SIM2: variants seen among roughly 807,000 people sequenced by gnomAD.
SIM2 encodes single-minded homolog 2.
SIM2 carries 28 observed loss-of-function variants against 64.8 expected under a neutral mutation model. That is an observed-to-expected ratio of 0.43 (90% CI 0.32 to 0.59). SIM2 has a LOEUF of 0.59. Among genes scored for constraint, SIM2 ranks in the 20% least tolerant of loss-of-function variants. The pLI is 0.07. For synonymous variants in SIM2, 408 were observed against 391.1 expected (o/e 1.04, Z -0.51); for missense variants, 847 against 871.4 (o/e 0.97, Z 0.35).
intron 6 of SIM2, among the ~76,000 whole-genome samples, chr21:36,727,513 A>G (rs925709390): frequency 1.3e-5 from 2 of 152,186 alleles, no homozygotes; most frequent in African/African-American, 4.8e-5. Flanking sequence ...CTTATTTGTA[A>G]AACAGCAGCG....
intron 3 of SIM2, among the ~76,000 whole-genome samples, chr21:36,717,363 C>T (rs182335124): frequency 7.8e-4 from 119 of 152,180 alleles, no homozygotes; most frequent in African/African-American, 2.8e-3. Flanking sequence ...GCCAATATAA[C>T]ATTTCTCTAT....
At chr21:36,741,574 A>ACATG in intron 7 of SIM2, 143 bp from the exon 8 acceptor site, 1 of 870,634 alleles carries the variant, frequency 1.1e-6, no homozygotes, top group South Asian at 1.6e-5. Flanking sequence ...ACGCACACAG[A>ACATG]CATGCACCCT....
Position 36,745,330 on chromosome 21 carries a change from A to G in SIM2, c.1576+194A>G. On this transcript the variant is annotated intron_variant, in intron 10 of 10. Coordinates refer to ENST00000290399, the MANE Select transcript of SIM2 (RefSeq NM_005069.6). This position sits in a 1 kb window ranked among gnomAD's most constrained non-coding sequence, Gnocchi z 4.8. ...GTGCTCCTCGAGAGTGAGAAATGGCAGTCTGCCTGCCTCGGGGACACTAGT... is the reference window on the plus strand; with the variant it reads ...GTGCTCCTCGAGAGTGAGAAATGGCGGTCTGCCTGCCTCGGGGACACTAGT... 1 of 1,442,334 alleles carries G rather than the reference A, an allele frequency of 6.9e-7. No homozygotes were observed. Among genetic ancestry groups the G allele is most frequent in the Non-Finnish European group, 9.1e-7 (1 of 1,093,260 alleles). 89.3% of individuals were successfully genotyped at this position (1,442,334 alleles called of 1,614,324 possible). A position where few individuals can be genotyped will look rare whatever the true frequency, so the allele number is the denominator to read the frequency against.
At chr21:36,729,747 G>T (rs1376673020) in intron 6 of SIM2, among the ~76,000 whole-genome samples, 1 of 152,034 alleles carries the variant, frequency 6.6e-6, no homozygotes, top group Non-Finnish European at 1.5e-5. Context: ...CCAAGATGGT[G>T]AGGACCACCT....
intron 9 of SIM2, among the ~76,000 whole-genome samples, chr21:36,744,514 T>C (rs1315519100): frequency 1.3e-5 from 2 of 152,118 alleles, no homozygotes; most frequent in Non-Finnish European, 2.9e-5. Flanking sequence ...GATGTCTTGT[T>C]AGCTTGGGGT....
intron 4 of SIM2, among the ~76,000 whole-genome samples, chr21:36,722,082 T>C (rs964178277): frequency 6.6e-6 from 1 of 152,218 alleles, no homozygotes; most frequent in Non-Finnish European, 1.5e-5. Flanking sequence ...CGTTGTTTTA[T>C]GATAAACCTG....
At chr21:36,718,958 T>G (rs139663324) in intron 3 of SIM2, among the ~76,000 whole-genome samples, 39 of 152,328 alleles carry the variant, frequency 2.6e-4, no homozygotes, top group African/African-American at 9.1e-4. Context: ...GACCTCTGTG[T>G]AAAAATTGTA....
intron 3 of SIM2, among the ~76,000 whole-genome samples, chr21:36,714,862 C>T (rs945846008): frequency 6.6e-6 from 1 of 152,198 alleles, no homozygotes; most frequent in Non-Finnish European, 1.5e-5. Flanking sequence ...ATCGGCTCCA[C>T]GGAAGGAAAT....
intron 7 of SIM2, among the ~76,000 whole-genome samples, chr21:36,731,780 T>C (rs766829153): frequency 6.6e-6 from 1 of 152,156 alleles, no homozygotes; most frequent in Non-Finnish European, 1.5e-5. Flanking sequence ...CCAATTTGAT[T>C]TGCCAACGGA....
chr21:36,705,686 C>A (rs1477725256), intron 1 of SIM2, among the ~76,000 whole-genome samples: 1 of 152,182 alleles, frequency 6.6e-6, no homozygotes, highest in Non-Finnish European at 1.5e-5. Context: ...GGAGGTGAGA[C>A]CCCTGCACCC....
At chr21:36,715,513 A>G (rs2088735344) in intron 3 of SIM2, among the ~76,000 whole-genome samples, 1 of 152,232 alleles carries the variant, frequency 6.6e-6, no homozygotes, top group Admixed American at 6.5e-5. Flanking sequence ...ACCTTTTAAA[A>G]AGAATTTCTG....
intron 1 of SIM2, among the ~76,000 whole-genome samples, chr21:36,704,051 G>A (rs1301962198): frequency 6.6e-6 from 1 of 152,206 alleles, no homozygotes; most frequent in African/African-American, 2.4e-5. Flanking sequence ...GATGGGTGTG[G>A]GTGAAAGAGG....
intron 9 of SIM2, among the ~76,000 whole-genome samples, chr21:36,744,426 AAGAAAGAAAAAC>A: frequency 6.7e-6 from 1 of 148,894 alleles, no homozygotes; most frequent in East Asian, 2.4e-4. Context: ...GAAATAAAGA[AAGAAAGAAAAAC>A]AAAGAAAGAA....
intron 1 of SIM2, among the ~76,000 whole-genome samples, chr21:36,704,842 C>T (rs561344026): frequency 4.3e-4 from 65 of 152,350 alleles, no homozygotes; most frequent in African/African-American, 1.6e-3. Flanking sequence ...TCCCCACGAC[C>T]ACCCCCTTCT....
At chr21:36,732,448 A>G (rs2088983241) in intron 7 of SIM2, among the ~76,000 whole-genome samples, 1 of 152,214 alleles carries the variant, frequency 6.6e-6, no homozygotes, top group Non-Finnish European at 1.5e-5. Flanking sequence ...GCAGGCCGCT[A>G]GGTCCACAGA....
intron 8 of SIM2, 99 bp from the exon 9 acceptor site, chr21:36,743,288 C>T: frequency 9.9e-7 from 1 of 1,006,514 alleles, no homozygotes; most frequent in South Asian, 1.6e-5. Context: ...AAAAGACACA[C>T]TGGAGCACTG....
chr21:36,700,876 G>C (rs1040683665), intron 1 of SIM2, among the ~76,000 whole-genome samples: 1 of 152,268 alleles, frequency 6.6e-6, no homozygotes, highest in Non-Finnish European at 1.5e-5. Context: ...AGGGGCGCTG[G>C]GACCCGCGGT....
intron 1 of SIM2, among the ~76,000 whole-genome samples, chr21:36,707,973 G>T (rs376972967): frequency 1.3e-5 from 2 of 151,090 alleles, no homozygotes; most frequent in Non-Finnish European, 3.0e-5. Context: ...GCCTGGCCCA[G>T]CGTGGGTTGG....
At chr21:36,734,100 A>G (rs976030076) in intron 7 of SIM2, among the ~76,000 whole-genome samples, 3 of 152,166 alleles carry the variant, frequency 2.0e-5, no homozygotes, top group Non-Finnish European at 4.4e-5. Flanking sequence ...AGTCCAGCCC[A>G]TTGGCTGTCG....
Sources: gnomAD v4.1 joint callset for allele counts (sites outside exome capture counted in the v4.1 genomes callset) on GRCh38, gnomAD v4.1.1 for gene constraint, Gnocchi (gnomAD v3.1) non-coding constraint, MANE v1.5 for transcripts, NCBI Gene and HGNC (gene_info 2026-07-23, HGNC 2026-07-21) for gene names.